Variants in PDGFD observed in about 807,000 individuals in gnomAD.
PDGFD encodes the protein platelet derived growth factor D.
PDGFD carries 30 observed loss-of-function variants against 44.7 expected under a neutral mutation model. The observed-to-expected ratio is 0.67, with a 90% CI of 0.50 to 0.91. PDGFD has a LOEUF of 0.91. PDGFD is among the 40% of genes least tolerant of loss of function. The pLI, the probability that PDGFD is intolerant of heterozygous loss-of-function variation, is 0.00. For missense variants in PDGFD, 445 were observed against 457.8 expected (o/e 0.97, Z 0.25); for synonymous variants, 173 against 168.4 (o/e 1.03, Z -0.21).
rs370810572 is a variant in PDGFD at position 104,014,583 on chromosome 11, A to G, written c.125-14328T>C. On this transcript the variant is annotated intron_variant, in intron 1 of 6. Transcript: ENST00000393158. ...TAATCTAGAATCTTTTTTTCAGATG[A>G]GTTAGAAGTAGCCTTTAATAAAGAA... Among the ~76,000 whole-genome samples the G allele has an allele frequency of 1.8e-4, 27 of 152,286 alleles. No homozygotes were observed. In the South Asian group the frequency reaches 3.9e-3, roughly 22 times the overall value.
chr11:104,095,887 A>G (rs1325312523), intron 1 of PDGFD, among the ~76,000 whole-genome samples: 1 of 152,218 alleles, frequency 6.6e-6, no homozygotes, highest in Non-Finnish European at 1.5e-5. Flanking sequence ...TCTTACTGAT[A>G]TATGAGGAGA....
In PDGFD at chr11:104,096,844, G is replaced by T. The variant is rs115121119; in HGVS notation, c.124+66960C>A. On this transcript the variant is annotated intron_variant, in intron 1 of 6. Coordinates refer to ENST00000393158, the MANE Select transcript of PDGFD (RefSeq NM_025208.5). ...TGGTGTAAAGCTCCTTCTTCAAAGG[G>T]TATAAAACTGAAGTTGTGCTAAGGA... is the stretch of plus-strand genomic sequence containing the variant. 9.7e-3 allele frequency among the ~76,000 whole-genome samples: 1,484 copies of T among 152,238 alleles called. 25 individuals are homozygous for T. The highest frequency in any genetic ancestry group is 0.034 in the African/African-American group (1,397 of 41,544).
chr11:103,927,204 G>T, intron 5 of PDGFD, 78 bp from the exon 6 acceptor site: 2 of 1,298,708 alleles, frequency 1.5e-6, no homozygotes, highest in Non-Finnish European at 2.2e-6. Flanking sequence ...GGGGAATAGA[G>T]TGGGAAGATT....
At chr11:104,002,688 T>C (rs939085956) in intron 1 of PDGFD, among the ~76,000 whole-genome samples, 1 of 152,226 alleles carries the variant, frequency 6.6e-6, no homozygotes, top group Admixed American at 6.5e-5. Flanking sequence ...TTAACCATAT[T>C]GTATTATAGT....
rs182040072 is a variant in PDGFD, at chr11:104,064,100, C to T, written c.125-63845G>A. On this transcript the variant is annotated intron_variant, in intron 1 of 6. Transcript: ENST00000393158. ...TCAGTGATGTAAATACAAATACATT[C>T]AGAGCGTCCAAAAATATAACCTTCA... Among the ~76,000 whole-genome samples, 4 of 152,310 alleles carry T rather than the reference C, an allele frequency of 2.6e-5. No individual in the cohort carries two copies. In the East Asian group the frequency reaches 7.7e-4, roughly 29 times the overall value.
At chr11:104,148,296 C>T (rs916080123) in intron 1 of PDGFD, among the ~76,000 whole-genome samples, 1 of 152,080 alleles carries the variant, frequency 6.6e-6, no homozygotes, top group Non-Finnish European at 1.5e-5. Context: ...ACAAAAACAG[C>T]TCTCATAAAT....
At chr11:103,920,827 T>G (rs925201043) in intron 6 of PDGFD, among the ~76,000 whole-genome samples, 1 of 152,250 alleles carries the variant, frequency 6.6e-6, no homozygotes, top group Non-Finnish European at 1.5e-5. Context: ...CATTTACTGT[T>G]CTGGATCATA....
intron 1 of PDGFD, among the ~76,000 whole-genome samples, chr11:104,103,462 G>GTGTGTGTGTGTGTGTGTATA (rs1041388346): frequency 7.5e-6 from 1 of 133,264 alleles, no homozygotes; most frequent in African/African-American, 2.8e-5. Flanking sequence ...GTGTGTGTGT[G>GTGTGTGTGTGTGTGTGTATA]TATATATATA....
chr11:103,967,614 T>G (rs990645019), intron 3 of PDGFD, among the ~76,000 whole-genome samples: 2 of 152,150 alleles, frequency 1.3e-5, no homozygotes, highest in African/African-American at 4.8e-5. Flanking sequence ...TTATTAATAC[T>G]CCCTTGCCAC....
At chr11:104,034,029 C>T (rs1402382308) in intron 1 of PDGFD, among the ~76,000 whole-genome samples, 1 of 152,134 alleles carries the variant, frequency 6.6e-6, no homozygotes, top group Non-Finnish European at 1.5e-5. Flanking sequence ...TAAGTCAGGT[C>T]ATCTTCCTTC....
At chr11:104,014,147 TA>T (rs1859825685) in intron 1 of PDGFD, among the ~76,000 whole-genome samples, 1 of 152,198 alleles carries the variant, frequency 6.6e-6, no homozygotes, top group Non-Finnish European at 1.5e-5. Context: ...TCCCTTTATA[TA>T]GCTACTGAAT....
At chr11:103,958,496 T>C (rs1858889974) in intron 3 of PDGFD, among the ~76,000 whole-genome samples, 1 of 152,218 alleles carries the variant, frequency 6.6e-6, no homozygotes, top group South Asian at 2.1e-4. Flanking sequence ...CTAAAATGAA[T>C]GACTTAGGAA....
intron 5 of PDGFD, among the ~76,000 whole-genome samples, chr11:103,927,484 A>G (rs1049281570): frequency 2.0e-5 from 3 of 152,202 alleles, no homozygotes; most frequent in Admixed American, 2.0e-4. Flanking sequence ...GACAAAATAA[A>G]CTGCTTCTTC....
chr11:104,149,321 G>C (rs10791670), intron 1 of PDGFD, among the ~76,000 whole-genome samples: 3 of 151,888 alleles, frequency 2.0e-5, no homozygotes, highest in African/African-American at 7.3e-5. Flanking sequence ...TTCCTGTGGC[G>C]TAATTCTGGT....
chr11:104,010,637 T>G (rs192914613), intron 1 of PDGFD, among the ~76,000 whole-genome samples: 8 of 152,132 alleles, frequency 5.3e-5, no homozygotes, highest in Non-Finnish European at 1.2e-4. Context: ...TTTAGAATAT[T>G]TGAATCTGGA....
intron 1 of PDGFD, among the ~76,000 whole-genome samples, chr11:104,043,298 C>T (rs1378569056): frequency 2.0e-5 from 3 of 152,164 alleles, no homozygotes; most frequent in Non-Finnish European, 4.4e-5. Flanking sequence ...ACGCAGCCAC[C>T]AACTTCTGGT....
intron 1 of PDGFD, among the ~76,000 whole-genome samples, chr11:104,151,896 G>T (rs914011494): frequency 4.0e-5 from 6 of 151,714 alleles, no homozygotes; most frequent in Non-Finnish European, 8.8e-5. Flanking sequence ...GCTATAGTTT[G>T]ATCATCAAGA....
intron 5 of PDGFD, among the ~76,000 whole-genome samples, chr11:103,932,660 A>G (rs1411514532): frequency 6.6e-6 from 1 of 152,202 alleles, no homozygotes; most frequent in African/African-American, 2.4e-5. Flanking sequence ...TTTGACTTCA[A>G]CGATTAGGAG....
In PDGFD at chr11:104,000,057, A is replaced by G. The variant is rs1025498191; in HGVS notation, c.323T>C (p.Ile108Thr). The change falls in exon 2 of 7, where the codon ATC (isoleucine) becomes ACC (threonine). Residue 108 changes from isoleucine to threonine, a missense_variant. By Grantham distance (89) the Ile-to-Thr change is moderately conservative. Transcript: ENST00000393158. Reference sequence around the variant, plus strand: ...AATTTTTTTCCCAACTTACCTACAGATATCATTTTCTGCTTCCTCTAATCC... The same window carrying G: ...AATTTTTTTCCCAACTTACCTACAGGTATCATTTTCTGCTTCCTCTAATCC... ...QFGLEEAEND[I>T]CRYDFVEVED... is the part of the protein sequence containing the mutation. 1 of 1,613,874 alleles carries G rather than the reference A, an allele frequency of 6.2e-7. No individual in the cohort carries two copies. The highest frequency in any genetic ancestry group is 8.5e-7 in the Non-Finnish European group (1 of 1,179,844).
Sources: gnomAD v4.1 joint callset for allele counts (sites outside exome capture counted in the v4.1 genomes callset) on GRCh38, gnomAD v4.1.1 for gene constraint, MANE v1.5 for transcripts, NCBI Gene and HGNC (gene_info 2026-07-23, HGNC 2026-07-21) for gene names.